The following PDE10A variants were observed in gnomAD, a reference collection of about 807,000 sequenced individuals.
PDE10A encodes phosphodiesterase 10A.
In PDE10A, 39 loss-of-function variants were observed where a neutral mutation model predicts 97.7. That is an observed-to-expected ratio of 0.40 (90% CI 0.31 to 0.52). The LOEUF (loss-of-function observed/expected upper bound fraction) is 0.52. PDE10A is among the 20% of genes least tolerant of loss of function. The pLI is 0.56. For missense variants in PDE10A, 731 were observed against 1,047.8 expected, an observed-to-expected ratio of 0.70 and a Z score of 4.17; for synonymous variants, 371 against 376.8, an observed-to-expected ratio of 0.98 and a Z score of 0.18.
intron 13 of PDE10A, 88 bp downstream of exon 13, chr6:165,413,411 GAA>G: frequency 4.0e-5 from 15 of 375,856 alleles, no homozygotes; most frequent in South Asian, 7.6e-5. Flanking sequence ...AAATATAAAT[GAA>G]AAAAAAAAAG....
rs373201271 is a variant in PDE10A at position 165,563,149 on chromosome 6, G to A, written c.866-19581C>T. Among the ~76,000 whole-genome samples the A allele has an allele frequency of 1.3e-4, 17 of 127,208 alleles. No homozygotes were observed. In the East Asian group the frequency reaches 2.7e-3, roughly 21 times the overall value. The allele number at this position is 127,208 out of a possible 152,430, so 83.5% of individuals were successfully genotyped here. ...CATATAAGTTAAATATCCCACAACC[G>A]AATACAGGAAAAAAAAGAAGAGGGG... On this transcript the variant is annotated intron_variant, in intron 1 of 21. Coordinates refer to ENST00000539869, the MANE Select transcript of PDE10A (RefSeq NM_001385079.1).
chr6:165,520,109 C>A (rs1782045303), intron 2 of PDE10A, among the ~76,000 whole-genome samples: 1 of 152,084 alleles, frequency 6.6e-6, no homozygotes, highest in Non-Finnish European at 1.5e-5. Context: ...TCACGATATC[C>A]CCAGAACCAG....
intron 2 of PDE10A, among the ~76,000 whole-genome samples, chr6:165,517,320 T>C (rs1781870444): frequency 6.6e-6 from 1 of 152,140 alleles, no homozygotes; most frequent in Admixed American, 6.6e-5. Flanking sequence ...ACAGTCTCTA[T>C]CAAAAATAAG....
rs1242528740 is a variant in PDE10A, at chr6:165,943,300, AAAG to A, written c.-615+44226_-615+44228del. On this transcript the variant is annotated intron_variant, in intron 1 of 19. Coordinates refer to the PDE10A transcript ENST00000366882. ...GAAAGAAAGAAAGAAAGAAGGAAAG[AAAG>A]AAAGAAGGAAGGAAGGAAAGAAAGA... Among the ~76,000 whole-genome samples the A allele has an allele frequency of 4.6e-4, 62 of 135,614 alleles. 2 individuals carry two copies. Among genetic ancestry groups the A allele is most frequent in the South Asian group, 7.6e-4 (3 of 3,964 alleles). The allele number at this position is 135,614 out of a possible 152,430, so 89.0% of individuals were successfully genotyped here.
At position 165,482,965 on chromosome 6, in the gene PDE10A, T is replaced by G. The variant is rs570206085; in HGVS notation, c.995-622A>C. Among the ~76,000 whole-genome samples, 190 of 152,228 alleles carry G rather than the reference T, an allele frequency of 1.2e-3. 1 individual carries two copies. Among genetic ancestry groups the G allele is most frequent in the African/African-American group, 4.5e-3 (185 of 41,536 alleles). ...GTCTAGGTGAGAATCCCTGGAAGGC[T>G]CTCCCACTGGGGCTGGCTACAGGCA... On this transcript the variant is annotated intron_variant, in intron 2 of 21. Transcript: ENST00000539869.
intron 1 of PDE10A, among the ~76,000 whole-genome samples, chr6:165,831,997 C>T (rs892956293): frequency 6.6e-6 from 1 of 152,094 alleles, no homozygotes; most frequent in Non-Finnish European, 1.5e-5. Flanking sequence ...CCACAGAAAC[C>T]TCCAACTACA....
At chr6:165,423,247 C>T (rs958154719) in intron 10 of PDE10A, among the ~76,000 whole-genome samples, 1 of 152,176 alleles carries the variant, frequency 6.6e-6, no homozygotes, top group African/African-American at 2.4e-5. Context: ...AGTAAATCCT[C>T]TCTTTTATTA....
intron 1 of PDE10A, among the ~76,000 whole-genome samples, chr6:165,689,971 AC>A (rs1322189265): frequency 6.6e-6 from 1 of 152,174 alleles, no homozygotes; most frequent in Non-Finnish European, 1.5e-5. Context: ...TAAGTAAGAT[AC>A]TTTAATTTCA....
At chr6:165,375,540 A>C (rs1199387714) in intron 18 of PDE10A, among the ~76,000 whole-genome samples, 1 of 152,240 alleles carries the variant, frequency 6.6e-6, no homozygotes, top group East Asian at 1.9e-4. Context: ...TGAAGCAGCA[A>C]GTGCTGATGT....
chr6:165,809,245 C>T (rs926819385), intron 1 of PDE10A, among the ~76,000 whole-genome samples: 1 of 152,204 alleles, frequency 6.6e-6, no homozygotes, highest in Non-Finnish European at 1.5e-5. Flanking sequence ...CAGTCCTGGA[C>T]TAAGCTGGGT....
rs529608262 is a variant in PDE10A, at chr6:165,472,385, G to C, written c.1023+9930C>G. Among the ~76,000 whole-genome samples, 5 of 152,050 alleles carry C rather than the reference G, an allele frequency of 3.3e-5. 1 individual carries two copies. The highest frequency in any genetic ancestry group is 3.3e-4 in the Admixed American group (5 of 15,276). On this transcript the variant is annotated intron_variant, in intron 3 of 21. Transcript: ENST00000539869. Reference sequence around the variant, plus strand: ...CTTTTTTCTGAAATAGATTGCCAAAGACAATCTATTTTATGGAATTGATCT... The same window carrying C: ...CTTTTTTCTGAAATAGATTGCCAAACACAATCTATTTTATGGAATTGATCT...
intron 1 of PDE10A, among the ~76,000 whole-genome samples, chr6:165,609,388 C>T (rs938193374): frequency 6.6e-6 from 1 of 152,116 alleles, no homozygotes; most frequent in African/African-American, 2.4e-5. Context: ...TATGACAAAC[C>T]ACAGCCAATA....
chr6:165,479,766 T>TA (rs945382809), intron 3 of PDE10A, among the ~76,000 whole-genome samples: 3 of 151,676 alleles, frequency 2.0e-5, no homozygotes, highest in Admixed American at 6.6e-5. Flanking sequence ...ACAGAAATGC[T>TA]AAAAAAATAT....
chr6:165,737,145 T>C (rs1167248618), intron 1 of PDE10A, among the ~76,000 whole-genome samples: 1 of 152,220 alleles, frequency 6.6e-6, no homozygotes, highest in African/African-American at 2.4e-5. Context: ...ATACAATCAG[T>C]AATCAAAAGT....
At chr6:165,563,647 T>G (rs1784633049) in intron 1 of PDE10A, among the ~76,000 whole-genome samples, 2 of 152,148 alleles carry the variant, frequency 1.3e-5, no homozygotes, top group African/African-American at 4.8e-5. Flanking sequence ...CCCAGCACCT[T>G]GGGAGGCTGA....
At chr6:165,920,521 G>A (rs1782725136) in intron 1 of PDE10A, among the ~76,000 whole-genome samples, 2 of 151,026 alleles carry the variant, frequency 1.3e-5, no homozygotes, top group African/African-American at 4.9e-5. Flanking sequence ...CAATCAAGAT[G>A]CTTATCTTCT....
At chr6:165,515,813 C>T (rs1781770600) in intron 2 of PDE10A, among the ~76,000 whole-genome samples, 2 of 152,068 alleles carry the variant, frequency 1.3e-5, no homozygotes, top group South Asian at 4.1e-4. Context: ...TGAGCCAACG[C>T]GCCCGGCCTA....
At chr6:165,419,036 A>G (rs572628600) in intron 10 of PDE10A, among the ~76,000 whole-genome samples, 130 of 152,202 alleles carry the variant, frequency 8.5e-4, no homozygotes, top group Non-Finnish European at 1.2e-3. Context: ...GGAGGGAAGC[A>G]TATCAGTCGT....
intron 1 of PDE10A, among the ~76,000 whole-genome samples, chr6:165,886,081 A>G (rs4709991): frequency 0.63 from 95,418 of 152,134 alleles, 30,393 homozygotes; most frequent in East Asian, 0.92. Flanking sequence ...AATCATTGTA[A>G]TATGAAAACT....
Sources: gnomAD v4.1 joint callset for allele counts (sites outside exome capture counted in the v4.1 genomes callset) on GRCh38, gnomAD v4.1.1 for gene constraint, MANE v1.5 for transcripts, NCBI Gene and HGNC (gene_info 2026-07-23, HGNC 2026-07-21) for gene names.